Variants in CELA3B observed in about 807,000 individuals in gnomAD.
The protein encoded by CELA3B is chymotrypsin like elastase 3B.
Under a neutral mutation model 37.2 loss-of-function variants are expected in CELA3B, and 34 were observed. The ratio of observed to expected loss-of-function variants is 0.91; its 90% CI spans 0.70 to 1.22. The LOEUF is 1.22. Ranked by LOEUF, CELA3B falls within the 50% of genes most tolerant of loss-of-function variation. CELA3B has a pLI of 0.00. For missense variants in CELA3B, 340 were observed against 363.1 expected, an observed-to-expected ratio of 0.94 and a Z score of 0.52; for synonymous variants, 127 against 143.5, an observed-to-expected ratio of 0.89 and a Z score of 0.82.
intron 4 of CELA3B, 91 bp downstream of exon 4, chr1:21,981,263 T>C: frequency 7.8e-6 from 1 of 128,112 alleles, no homozygotes; most frequent in Admixed American, 1.4e-4. Flanking sequence ...CAACTCTGAG[T>C]TGGGACGTAG....
intron 1 of CELA3B, among the ~76,000 whole-genome samples, chr1:21,977,493 C>T (rs1223634865): frequency 1.3e-5 from 2 of 152,144 alleles, no homozygotes; most frequent in African/African-American, 4.8e-5. Flanking sequence ...CATTCCAGCT[C>T]AGGGCCACCT....
intron 4 of CELA3B, among the ~76,000 whole-genome samples, chr1:21,997,586 G>T (rs1197687598): frequency 6.6e-6 from 1 of 150,676 alleles, no homozygotes; most frequent in East Asian, 2.0e-4. Context: ...TACCTGGGAG[G>T]CTGAGGGCAG....
chr1:21,987,218 G>A (rs959633052), intron 7 of CELA3B, among the ~76,000 whole-genome samples: 2 of 151,372 alleles, frequency 1.3e-5, no homozygotes, highest in African/African-American at 4.9e-5. Context: ...ACTTTGGGAA[G>A]CAGAGGCAGG....
intron 4 of CELA3B, 52 bp from the exon 5 acceptor site, chr1:21,983,642 G>C: frequency 6.3e-7 from 1 of 1,598,638 alleles, no homozygotes; most frequent in Non-Finnish European, 8.5e-7. Context: ...CTGGAAGGTA[G>C]GACTTGGGCC....
At chr1:21,981,204 G>A (rs751747927) in intron 4 of CELA3B, 32 bp downstream of exon 4, 1 of 1,606,856 alleles carries the variant, frequency 6.2e-7, no homozygotes, top group South Asian at 1.1e-5. Context: ...GAACCCAGAG[G>A]CTCCTCTACT....
chr1:21,997,391 C>CA (rs34063955), intron 4 of CELA3B, among the ~76,000 whole-genome samples: 59,602 of 123,530 alleles, frequency 0.48, 15,204 homozygotes, highest in Non-Finnish European at 0.56. Flanking sequence ...AGACTCGTCT[C>CA]AAAAAAAAAA....
chr1:21,987,942 G>A (rs1426091270), intron 7 of CELA3B: 2 of 151,662 alleles, frequency 1.3e-5, no homozygotes, highest in Admixed American at 6.6e-5. Context: ...CAAGTACAGT[G>A]GTTCATGCAT....
downstream of CELA3B, among the ~76,000 whole-genome samples, chr1:21,992,790 C>T (rs1309405255): frequency 6.6e-6 from 1 of 150,898 alleles, no homozygotes; most frequent in Non-Finnish European, 1.5e-5. Context: ...TTGAGACCAG[C>T]TTGGGCAACA....
intron 7 of CELA3B, 145 bp downstream of exon 7, chr1:21,986,828 C>G: frequency 1.1e-6 from 1 of 940,136 alleles, no homozygotes; most frequent in Non-Finnish European, 1.6e-6. Context: ...TCCAGAAAGG[C>G]TTGGGGATGT....
intron 4 of CELA3B, among the ~76,000 whole-genome samples, chr1:21,994,594 C>T (rs575450007): frequency 8.6e-5 from 13 of 151,202 alleles, no homozygotes; most frequent in South Asian, 8.3e-4. Flanking sequence ...AGCCAGCAGC[C>T]GGTGTGGGGC....
chr1:21,991,968 A>C (rs1208377872), downstream of CELA3B, among the ~76,000 whole-genome samples: 8 of 143,380 alleles, frequency 5.6e-5, no homozygotes, highest in Non-Finnish European at 1.1e-4. Flanking sequence ...AAAAAATACA[A>C]AATTAGGCAG....
At chr1:21,987,861 G>C (rs1399462158) in intron 7 of CELA3B, 11 of 151,654 alleles carry the variant, frequency 7.3e-5, no homozygotes, top group African/African-American at 2.4e-4. Context: ...ATGATATAGA[G>C]ATTAGCACGG....
intron 6 of CELA3B, 96 bp from the exon 7 acceptor site, chr1:21,986,435 G>A (rs1212981399): frequency 1.4e-5 from 21 of 1,499,210 alleles, no homozygotes; most frequent in Middle Eastern, 4.6e-4. Flanking sequence ...AGAGGAGTCA[G>A]GTAATGTCGG....
At chr1:21,981,728 CTTT>C (rs68050914) in intron 4 of CELA3B, among the ~76,000 whole-genome samples, 29 of 146,418 alleles carry the variant, frequency 2.0e-4, no homozygotes, top group Admixed American at 2.0e-4. Context: ...ACAAAAAATT[CTTT>C]TTTTTTTTTT....
At chr1:21,981,410 A>G (rs1195225980) in intron 4 of CELA3B, among the ~76,000 whole-genome samples, 2 of 151,376 alleles carry the variant, frequency 1.3e-5, no homozygotes, top group Admixed American at 1.3e-4. Context: ...GAGGGGCGGG[A>G]ACTCTGCCAA....
chr1:21,983,390 A>C (rs1053598951), intron 4 of CELA3B, among the ~76,000 whole-genome samples: 2 of 151,372 alleles, frequency 1.3e-5, no homozygotes, highest in Non-Finnish European at 2.9e-5. Context: ...CTGCCTTAAG[A>C]ACGATTTGGG....
At chr1:21,980,383 G>A (rs1177918441) in intron 2 of CELA3B, among the ~76,000 whole-genome samples, 4 of 152,174 alleles carry the variant, frequency 2.6e-5, no homozygotes, top group South Asian at 4.1e-4. Context: ...GCAGGCTGAG[G>A]CAGGAGAGTC....
downstream of CELA3B, among the ~76,000 whole-genome samples, chr1:21,989,857 A>G (rs138223317): frequency 2.4e-3 from 367 of 150,384 alleles, 12 homozygotes; most frequent in African/African-American, 8.0e-3. Flanking sequence ...CCCTGAAGTG[A>G]CTCATTATTT....
In CELA3B at chr1:21,984,354, G is replaced by A. The variant is rs189853639; in HGVS notation, c.642+23G>A. On this transcript the variant is annotated intron_variant, in intron 6 of 7. Coordinates refer to ENST00000337107, the MANE Select transcript of CELA3B (RefSeq NM_007352.4). ...AATGTGAGTCAGCTCTTACCTGCCC[G>A]AGGTGGTGCTGGGTGTGCAGGACCT... 8.1e-6 allele frequency: 13 copies of A among 1,608,360 alleles called. 1 individual carries two copies. In the South Asian group the frequency reaches 1.0e-4, roughly 12 times the overall value.
Sources: allele counts gnomAD v4.1 joint callset (sites outside exome capture counted in the v4.1 genomes callset), GRCh38; gene constraint gnomAD v4.1.1; transcripts MANE v1.5; gene names NCBI Gene and HGNC (gene_info 2026-07-23, HGNC 2026-07-21).